The following KIRREL3 variants were observed in gnomAD, a reference collection of about 807,000 sequenced individuals.
KIRREL3 encodes kirre like nephrin family adhesion molecule 3.
Under a neutral mutation model 89.7 loss-of-function variants are expected in KIRREL3, and 36 were observed. The ratio of observed to expected loss-of-function variants is 0.40; its 90% CI spans 0.31 to 0.53. The LOEUF is 0.53. KIRREL3 is among the 20% of genes least tolerant of loss of function. The probability of loss-of-function intolerance (pLI) is 0.49; values close to 1 mark genes in which losing one functional copy is unlikely to be tolerated. For synonymous variants in KIRREL3, 445 were observed against 441.4 expected (o/e 1.01, Z -0.10); for missense variants, 864 against 1,056.6 (o/e 0.82, Z 2.53).
intron 1 of KIRREL3, among the ~76,000 whole-genome samples, chr11:126,932,138 C>T (rs1419875443): frequency 1.3e-5 from 2 of 152,206 alleles, no homozygotes; most frequent in African/African-American, 2.4e-5. Context: ...CAAGAATCCC[C>T]TCTGCTGACA....
intron 4 of KIRREL3, among the ~76,000 whole-genome samples, chr11:126,497,996 G>T: frequency 6.6e-6 from 1 of 152,228 alleles, no homozygotes; most frequent in East Asian, 1.9e-4. Flanking sequence ...GCAGATAAGT[G>T]AGTCAGGCAT....
At position 126,676,636 on chromosome 11, in the gene KIRREL3, C is replaced by T; in HGVS notation, c.56-113724G>A. ...AAGTTCAGGAAACTCAGACGTGGTC[C>T]TGGACTCTCCTTGCCTGGACTTGAG... is the stretch of plus-strand genomic sequence containing the variant. On this transcript the variant is annotated intron_variant, in intron 1 of 16. Coordinates refer to ENST00000525144, the MANE Select transcript of KIRREL3 (RefSeq NM_032531.4). This position sits in a 1 kb window ranked among gnomAD's most constrained non-coding sequence, Gnocchi z 4.5. 6.6e-6 allele frequency among the ~76,000 whole-genome samples: 1 copy of T among 152,154 alleles called. No individual in the cohort carries two copies. The highest frequency in any genetic ancestry group is 1.9e-4 in the East Asian group (1 of 5,192).
At position 126,475,514 on chromosome 11, in the gene KIRREL3, T is replaced by C. The variant is rs956059381; in HGVS notation, c.434-2048A>G. Among the ~76,000 whole-genome samples, 2 of 151,502 alleles carry C rather than the reference T, an allele frequency of 1.3e-5. No individual in the cohort carries two copies. Among genetic ancestry groups the C allele is most frequent in the African/African-American group, 4.9e-5 (2 of 41,160 alleles). ...GCCATTTCCTGAGGAACAAGCAACCTCCCAGGGCTTCCGAGAAGCCATCAC... is the reference window on the plus strand; with the variant it reads ...GCCATTTCCTGAGGAACAAGCAACCCCCCAGGGCTTCCGAGAAGCCATCAC... On this transcript the variant is annotated intron_variant, in intron 4 of 16. Coordinates refer to ENST00000525144, the MANE Select transcript of KIRREL3 (RefSeq NM_032531.4). This position sits in a 1 kb window ranked among gnomAD's most constrained non-coding sequence, Gnocchi z 7.5.
At chr11:126,671,118 C>G (rs1412929036) in intron 1 of KIRREL3, among the ~76,000 whole-genome samples, 15 of 151,986 alleles carry the variant, frequency 9.9e-5, no homozygotes, top group Non-Finnish European at 1.5e-5. Context: ...TTACATCCTT[C>G]ATAAAAAATT....
At chr11:126,847,765 T>C (rs933207086) in intron 1 of KIRREL3, among the ~76,000 whole-genome samples, 1 of 152,234 alleles carries the variant, frequency 6.6e-6, no homozygotes, top group African/African-American at 2.4e-5. Flanking sequence ...AGCAATTGAG[T>C]AAAGTACACT....
rs543250250 is a variant in KIRREL3 at position 126,802,922 on chromosome 11, C to T, written c.55+197533G>A. The stretch of plus-strand genomic sequence containing the variant: ...GGTGTTTTGCTCAAGGTTGTAGTTT[C>T]CAAGAACCTATCAATGACATTAAGT... On this transcript the variant is annotated intron_variant, in intron 1 of 16. Transcript: ENST00000525144. The surrounding 1 kb of genome is among the most constrained non-coding windows in gnomAD (Gnocchi z 5.2). Among the ~76,000 whole-genome samples the T allele has an allele frequency of 2.0e-5, 3 of 152,066 alleles. No homozygotes were observed. In the East Asian group the frequency reaches 5.8e-4, roughly 29 times the overall value.
chr11:126,801,898 G>A (rs1951047334), intron 1 of KIRREL3, among the ~76,000 whole-genome samples: 1 of 151,978 alleles, frequency 6.6e-6, no homozygotes, highest in African/African-American at 2.4e-5. Context: ...CTGCACCATG[G>A]TACTCCAACC....
At chr11:126,450,759 CTGTG>C (rs540173213) in intron 7 of KIRREL3, among the ~76,000 whole-genome samples, 16 of 128,338 alleles carry the variant, frequency 1.2e-4, no homozygotes, top group East Asian at 2.4e-4. Context: ...GCATGTATGA[CTGTG>C]TGCATGTGTG....
chr11:126,446,272 TTCTTTTCTTTCTC>T lies in KIRREL3; in HGVS notation c.1125+474_1125+486del, dbSNP rs1955799943. On this transcript the variant is annotated intron_variant, in intron 9 of 16. Transcript: ENST00000525144. ...TTCTCTTTCTTTTCTTTCTCTCTCTTTCTTTTCTTTCTCCTTTCTTTCTTTCTTTCTCTCTCTC... is the reference window on the plus strand; with the variant it reads ...TTCTCTTTCTTTTCTTTCTCTCTCTTCTTTCTTTCTTTCTTTCTCTCTCTC... Among the ~76,000 whole-genome samples the T allele has an allele frequency of 7.1e-5, 9 of 126,814 alleles. No individual in the cohort carries two copies. The Admixed American group carries it at 7.4e-4, about 10-fold the overall frequency. 83.2% of individuals were successfully genotyped at this position (126,814 alleles called of 152,430 possible).
chr11:126,677,229 A>T lies in KIRREL3; in HGVS notation c.56-114317T>A, dbSNP rs1946235163. Among the ~76,000 whole-genome samples, 1 of 152,128 alleles carries T rather than the reference A, an allele frequency of 6.6e-6. No homozygotes were observed. Among genetic ancestry groups the T allele is most frequent in the Non-Finnish European group, 1.5e-5 (1 of 68,016 alleles). On this transcript the variant is annotated intron_variant, in intron 1 of 16. Transcript: ENST00000525144. This position sits in a 1 kb window ranked among gnomAD's most constrained non-coding sequence, Gnocchi z 5.1. ...ACATTTTAGCTATCCCCTTAGCCTCAGCCTCTCCCTCCCCATCACCTGGGT... is the reference window on the plus strand; with the variant it reads ...ACATTTTAGCTATCCCCTTAGCCTCTGCCTCTCCCTCCCCATCACCTGGGT...
intron 1 of KIRREL3, among the ~76,000 whole-genome samples, chr11:126,629,004 A>G (rs1283040302): frequency 6.6e-6 from 1 of 152,242 alleles, no homozygotes; most frequent in East Asian, 1.9e-4. Context: ...ATGACTGGCC[A>G]TGGAATGCAG....
In KIRREL3 at chr11:126,769,739, G is replaced by A. The variant is rs972075394; in HGVS notation, c.56-206827C>T. ...CACATCTTATAGCTTCCAGGGGCAA[G>A]GTGGAGGGTGCAGTGGTTTCCAGCT... On this transcript the variant is annotated intron_variant, in intron 1 of 16. Coordinates refer to ENST00000525144, the MANE Select transcript of KIRREL3 (RefSeq NM_032531.4). This position sits in a 1 kb window ranked among gnomAD's most constrained non-coding sequence, Gnocchi z 4.3. Among the ~76,000 whole-genome samples, 1 of 152,198 alleles carries A rather than the reference G, an allele frequency of 6.6e-6. No individual in the cohort carries two copies. The highest frequency in any genetic ancestry group is 1.9e-4 in the East Asian group (1 of 5,182).
chr11:126,825,797 G>A (rs548445269), intron 1 of KIRREL3, among the ~76,000 whole-genome samples: 7 of 152,184 alleles, frequency 4.6e-5, no homozygotes, highest in African/African-American at 1.4e-4. Flanking sequence ...CACTATCCTC[G>A]TTTCACAGAT....
chr11:126,823,987 C>CA (rs1183417877), intron 1 of KIRREL3, among the ~76,000 whole-genome samples: 1 of 152,268 alleles, frequency 6.6e-6, no homozygotes, highest in East Asian at 1.9e-4. Flanking sequence ...TAGCATCTCT[C>CA]AAAATAAGAT....
At position 126,628,001 on chromosome 11, in the gene KIRREL3, A is replaced by G. The variant is rs1236296283; in HGVS notation, c.56-65089T>C. On this transcript the variant is annotated intron_variant, in intron 1 of 16. Transcript: ENST00000525144. This position sits in a 1 kb window ranked among gnomAD's most constrained non-coding sequence, Gnocchi z 5.2. ...AACAGGAATGATCCCAGCTCTACCTATCCTGAAGTTTGTTGAGTGGTTCTA... is the reference window on the plus strand; with the variant it reads ...AACAGGAATGATCCCAGCTCTACCTGTCCTGAAGTTTGTTGAGTGGTTCTA... Among the ~76,000 whole-genome samples the G allele has an allele frequency of 1.3e-5, 2 of 152,362 alleles. No individual in the cohort carries two copies. The highest frequency in any genetic ancestry group is 2.4e-5 in the African/African-American group (1 of 41,574).
At chr11:126,435,190 CT>C (rs1955275053) in intron 13 of KIRREL3, 77 bp downstream of exon 13, 2 of 1,485,666 alleles carry the variant, frequency 1.3e-6, no homozygotes, top group African/African-American at 2.8e-5. Flanking sequence ...TCCCTACCCC[CT>C]GCTGGGTTCC....
At chr11:126,451,113 ATG>A (rs61728031) in intron 7 of KIRREL3, among the ~76,000 whole-genome samples, 85,700 of 142,646 alleles carry the variant, frequency 0.6, 25,502 homozygotes, top group East Asian at 0.82. Flanking sequence ...GCATGTGTGC[ATG>A]TGTGTGTGTG....
intron 9 of KIRREL3, 80 bp downstream of exon 9, chr11:126,446,679 G>A (rs1955827834): frequency 3.5e-6 from 5 of 1,426,976 alleles, no homozygotes; most frequent in African/African-American, 1.4e-5. Flanking sequence ...TAGTGAGAGG[G>A]GCCTGGGCAG....
In KIRREL3 at chr11:126,431,836, C is replaced by T. The variant is rs544249914; in HGVS notation, c.1589-310G>A. Among the ~76,000 whole-genome samples the T allele has an allele frequency of 2.6e-5, 4 of 152,014 alleles. No individual in the cohort carries two copies. Among genetic ancestry groups the T allele is most frequent in the Admixed American group, 1.3e-4 (2 of 15,268 alleles). On this transcript the variant is annotated intron_variant, in intron 13 of 16. Coordinates refer to ENST00000525144, the MANE Select transcript of KIRREL3 (RefSeq NM_032531.4). This position sits in a 1 kb window ranked among gnomAD's most constrained non-coding sequence, Gnocchi z 7.1. ...AGGGAGGGCCAGGGGACAGGAAGAC[C>T]GGAGATGAGGGGTGGGGCTGGCACG...
Sources: allele counts gnomAD v4.1 joint callset (sites outside exome capture counted in the v4.1 genomes callset), GRCh38; gene constraint gnomAD v4.1.1; non-coding constraint Gnocchi (gnomAD v3.1); transcripts MANE v1.5; gene names NCBI Gene and HGNC (gene_info 2026-07-23, HGNC 2026-07-21).